The following AUTS2 variants were observed in gnomAD, a reference collection of about 807,000 sequenced individuals.
AUTS2 encodes the protein autism susceptibility gene 2 protein.
In AUTS2, 17 loss-of-function variants were observed where a neutral mutation model predicts 112.4. That is an observed-to-expected ratio of 0.15 (90% CI 0.10 to 0.23). The LOEUF is 0.23. Among genes scored for constraint, AUTS2 ranks in the 10% least tolerant of loss-of-function variants. The pLI is 1.00. For missense variants in AUTS2, 1,510 were observed against 1,701.6 expected (o/e 0.89, Z 1.98); for synonymous variants, 751 against 702.7 (o/e 1.07, Z -1.09).
intron 1 of AUTS2, among the ~76,000 whole-genome samples, chr7:69,614,178 T>C (rs1411858340): frequency 2.0e-5 from 3 of 152,090 alleles, no homozygotes; most frequent in Non-Finnish European, 4.4e-5. Context: ...TCCATTACCA[T>C]TCATTTACAA....
At chr7:69,815,317 GATATCTAT>G (rs888443035) in intron 1 of AUTS2, among the ~76,000 whole-genome samples, 33 of 152,180 alleles carry the variant, frequency 2.2e-4, no homozygotes, top group Non-Finnish European at 1.8e-4. Flanking sequence ...AGGAGATATA[GATATCTAT>G]ATATCTATAT....
intron 6 of AUTS2, among the ~76,000 whole-genome samples, chr7:70,735,427 C>T (rs781422400): frequency 7.9e-5 from 12 of 152,120 alleles, no homozygotes; most frequent in Non-Finnish European, 1.8e-4. Context: ...GGAGGGAGGA[C>T]GGGTGGCTTC....
At chr7:70,507,031 C>G (rs945771523) in intron 5 of AUTS2, among the ~76,000 whole-genome samples, 1 of 152,180 alleles carries the variant, frequency 6.6e-6, no homozygotes, top group Non-Finnish European at 1.5e-5. Context: ...GCTGAGTGAG[C>G]ACCAACCCAA....
rs575082002 is a variant in AUTS2, at chr7:69,846,533, A to C, written c.310-52753A>C. Among the ~76,000 whole-genome samples, 3 of 152,308 alleles carry C rather than the reference A, an allele frequency of 2.0e-5. No homozygotes were observed. In the South Asian group the frequency reaches 6.2e-4, roughly 32 times the overall value. ...TCCCTATGTGTCGGGTGTTACACTA[A>C]GTGCTTTACAGGTATTGTTTCATTT... On this transcript the variant is annotated intron_variant, in intron 1 of 18. Coordinates refer to ENST00000342771, the MANE Select transcript of AUTS2 (RefSeq NM_015570.4).
chr7:70,351,256 G>T (rs1380014144), intron 4 of AUTS2, among the ~76,000 whole-genome samples: 2 of 152,072 alleles, frequency 1.3e-5, no homozygotes. Context: ...GTTTCACCAT[G>T]TAGGCCAGGC....
At chr7:70,101,607 A>C (rs1246745361) in intron 2 of AUTS2, among the ~76,000 whole-genome samples, 2 of 152,170 alleles carry the variant, frequency 1.3e-5, no homozygotes, top group Non-Finnish European at 2.9e-5. Context: ...AGGCACAAGA[A>C]TTGCTTGAAC....
chr7:70,395,599 G>C (rs1794044632), intron 4 of AUTS2, among the ~76,000 whole-genome samples: 1 of 152,340 alleles, frequency 6.6e-6, no homozygotes, highest in African/African-American at 2.4e-5. Flanking sequence ...TGGTCTACTG[G>C]ATGATCTTTT....
chr7:70,619,564 T>TAAAAA (rs10658629), intron 5 of AUTS2, among the ~76,000 whole-genome samples: 1 of 146,882 alleles, frequency 6.8e-6, no homozygotes, highest in Non-Finnish European at 1.5e-5. Context: ...GTCAAGGTAT[T>TAAAAA]AAAAAAAAAA....
At chr7:70,509,620 G>T (rs1283742255) in intron 5 of AUTS2, among the ~76,000 whole-genome samples, 2 of 152,180 alleles carry the variant, frequency 1.3e-5, no homozygotes, top group Admixed American at 1.3e-4. Flanking sequence ...ATAGCTCATT[G>T]ATGAATGAAC....
intron 5 of AUTS2, among the ~76,000 whole-genome samples, chr7:70,661,060 C>G (rs576390145): frequency 6.6e-6 from 1 of 152,074 alleles, no homozygotes; most frequent in South Asian, 2.1e-4. Context: ...TTCTCCCCTA[C>G]TAGAACATCA....
At chr7:70,346,622 T>A (rs1252696955) in intron 4 of AUTS2, among the ~76,000 whole-genome samples, 4 of 152,042 alleles carry the variant, frequency 2.6e-5, no homozygotes, top group Non-Finnish European at 5.9e-5. Context: ...CCCGGGAAAG[T>A]CTGCATTATT....
chr7:69,716,820 C>CG (rs796330931), intron 1 of AUTS2, among the ~76,000 whole-genome samples: 17 of 151,782 alleles, frequency 1.1e-4, no homozygotes, highest in African/African-American at 3.4e-4. Flanking sequence ...TCAGAGAACC[C>CG]GGGGGGGAAA....
chr7:70,355,625 C>G (rs575517949), intron 4 of AUTS2, among the ~76,000 whole-genome samples: 3 of 152,224 alleles, frequency 2.0e-5, no homozygotes, highest in South Asian at 4.2e-4. Context: ...ACTTCTGACA[C>G]GAGGCAGGTC....
intron 4 of AUTS2, among the ~76,000 whole-genome samples, chr7:70,158,059 C>T (rs1431040558): frequency 1.3e-5 from 2 of 152,108 alleles, no homozygotes; most frequent in Admixed American, 6.5e-5. Context: ...GAGGAGGTTG[C>T]ATTCCATGAA....
intron 1 of AUTS2, among the ~76,000 whole-genome samples, chr7:69,653,903 T>C (rs1010984150): frequency 6.6e-6 from 1 of 152,188 alleles, no homozygotes; most frequent in African/African-American, 2.4e-5. Flanking sequence ...CTTACTTCTC[T>C]CTGTCTCTAC....
chr7:69,768,996 C>G (rs210607), intron 1 of AUTS2, among the ~76,000 whole-genome samples: 3,042 of 152,280 alleles, frequency 0.02, 51 homozygotes, highest in Non-Finnish European at 0.031. Context: ...TATACTCTTT[C>G]TCCCATCCTG....
chr7:70,053,329 T>G lies in AUTS2; in HGVS notation c.523-64803T>G, dbSNP rs1232903814. On this transcript the variant is annotated intron_variant, in intron 2 of 18. Coordinates refer to ENST00000342771, the MANE Select transcript of AUTS2 (RefSeq NM_015570.4). ...ATCTGAGGCCCATACTAGACCCTTC[T>G]ATTAGTGGTAATTTTAAAAAAGAAT... 2.0e-5 allele frequency among the ~76,000 whole-genome samples: 3 copies of G among 152,298 alleles called. No homozygotes were observed. In the South Asian group the frequency reaches 6.2e-4, roughly 32 times the overall value.
intron 5 of AUTS2, among the ~76,000 whole-genome samples, chr7:70,582,037 C>CT (rs35939256): frequency 0.035 from 4,491 of 128,736 alleles, 116 homozygotes; most frequent in East Asian, 0.11. Flanking sequence ...ACCCAACCCA[C>CT]TTTTTTTTTT....
chr7:69,634,657 C>T (rs964219810), intron 1 of AUTS2, among the ~76,000 whole-genome samples: 1 of 152,162 alleles, frequency 6.6e-6, no homozygotes, highest in Non-Finnish European at 1.5e-5. Context: ...GGAGTGGTTA[C>T]AGGAGGTGGC....
Sources: gnomAD v4.1 joint callset for allele counts (sites outside exome capture counted in the v4.1 genomes callset) on GRCh38, gnomAD v4.1.1 for gene constraint, MANE v1.5 for transcripts, NCBI Gene and HGNC (gene_info 2026-07-23, HGNC 2026-07-21) for gene names.